C16orf92: variants seen among roughly 807,000 people sequenced by gnomAD.
The protein encoded by C16orf92 is fertilization-influencing membrane protein 1.
Under a neutral mutation model 13.7 loss-of-function variants are expected in C16orf92, and 14 were observed. That is an observed-to-expected ratio of 1.02 (90% CI 0.67 to 1.60). C16orf92 has a LOEUF of 1.60. C16orf92 is among the 40% of genes most tolerant of loss of function. The pLI is 0.00. For synonymous variants in C16orf92, 50 were observed against 57.4 expected (o/e 0.87, Z 0.58); for missense variants, 116 against 139.0 (o/e 0.83, Z 0.83).
chr16:30,025,550 G>A (rs558850433), downstream of C16orf92: 7 of 1,571,604 alleles, frequency 4.5e-6, no homozygotes, highest in Non-Finnish European at 4.4e-6. The surrounding 1 kb of genome is among the most constrained non-coding windows in gnomAD (Gnocchi z 4.1). Context: ...TGCGACCCTA[G>A]CAGGCAGCTC....
At chr16:30,023,492 C>G in intron 1 of C16orf92, 88 bp downstream of exon 1, 1 of 1,427,876 alleles carries the variant, frequency 7.0e-7, no homozygotes, top group Non-Finnish European at 9.7e-7. Flanking sequence ...GAAGCCAACC[C>G]TGCACCCTCT....
downstream of C16orf92, chr16:30,026,965 G>A (rs2071171091): frequency 1.3e-6 from 1 of 796,842 alleles, no homozygotes; most frequent in Admixed American, 2.0e-5. Context: ...TACAGATGAG[G>A]GATCCAGAGG....
chr16:30,024,255 C>T lies in C16orf92; in HGVS notation c.*28C>T, dbSNP rs753543624. 15 of 1,611,168 alleles carry T rather than the reference C, an allele frequency of 9.3e-6. No homozygotes were observed. Among genetic ancestry groups the T allele is most frequent in the Non-Finnish European group, 1.2e-5 (14 of 1,177,488 alleles). ...AGCCGGACAAGGGCTCTGGACTCAA[C>T]CTGAGCACCCACACCCACCTCCTCT... is the stretch of plus-strand genomic sequence containing the variant. On this transcript the variant is annotated 3_prime_UTR_variant, in exon 4 of 4. Coordinates refer to ENST00000681219, the MANE Select transcript of C16orf92 (RefSeq NM_001109659.2).
rs2070961716 is a variant in C16orf92, at chr16:30,023,873, T to C, written c.211T>C (p.Phe71Leu). ...GTTTATTGGAGAGAAACCCATCGTG[T>C]TCATTAACTCAGGTATGAACCAGCT... ...AQFIGEKPIV[F>L]INSGSSPGLF... Residue 71 changes from phenylalanine to leucine, a missense_variant, in exon 2 of 4, where the codon TTC becomes CTC. Physicochemically the swap from Phe to Leu is conservative, Grantham distance 22. Coordinates refer to ENST00000681219, the MANE Select transcript of C16orf92 (RefSeq NM_001109659.2). 1 of 1,613,062 alleles carries C rather than the reference T, an allele frequency of 6.2e-7. No homozygotes were observed. The highest frequency in any genetic ancestry group is 1.1e-5 in the South Asian group (1 of 91,070).
chr16:30,026,571 C>A, downstream of C16orf92: 1 of 1,570,340 alleles, frequency 6.4e-7, no homozygotes, highest in South Asian at 1.1e-5. Context: ...AAGGAGCAGG[C>A]CACCCGCACC....
downstream of C16orf92, chr16:30,026,985 G>A: frequency 2.7e-6 from 2 of 744,910 alleles, no homozygotes; most frequent in East Asian, 5.4e-5. Context: ...GGTAGAGGGT[G>A]AGAAACTTGC....
At chr16:30,024,928 CAGTG>C (rs1281751684), downstream of C16orf92, 1 of 443,518 alleles carries the variant, frequency 2.3e-6, no homozygotes, top group African/African-American at 2.1e-5. Flanking sequence ...CTCCTGCCCT[CAGTG>C]GGTGGGAGGC....
Position 30,024,480 on chromosome 16 carries a change from T to TC in C16orf92, c.*258dup. ...GCGGTCTGTAAAGCACCTCCCAGGG[T>TC]CCCCCGACCCCAGATTGGAGGAAGC... On this transcript the variant is annotated 3_prime_UTR_variant, in exon 4 of 4. Coordinates refer to ENST00000681219, the MANE Select transcript of C16orf92 (RefSeq NM_001109659.2). The TC allele has an allele frequency of 1.8e-6, 1 of 563,352 alleles. No individual in the cohort carries two copies. 34.9% of individuals were successfully genotyped at this position (563,352 alleles called of 1,614,324 possible).
At chr16:30,027,155 A>C, downstream of C16orf92, 1 of 497,900 alleles carries the variant, frequency 2.0e-6, no homozygotes. Context: ...CAGTGCCAAA[A>C]TAAGCCCAGG....
At chr16:30,023,554 A>G in intron 1 of C16orf92, 150 bp downstream of exon 1, 2 of 1,417,168 alleles carry the variant, frequency 1.4e-6, no homozygotes, top group Non-Finnish European at 2.0e-6. Flanking sequence ...CTACCCCCCA[A>G]CAACCGCGAG....
At chr16:30,023,969 G>A (rs763013517) in intron 2 of C16orf92, 30 bp from the exon 3 acceptor site, 7 of 1,597,312 alleles carry the variant, frequency 4.4e-6, no homozygotes, top group Non-Finnish European at 6.0e-6. Context: ...GGCCATCAGA[G>A]GGGAGTTAAG....
chr16:30,026,060 C>T (rs879749877), downstream of C16orf92, among the ~76,000 whole-genome samples: 18 of 152,066 alleles, frequency 1.2e-4, no homozygotes, highest in Admixed American at 8.5e-4. Context: ...GGTGAAACCC[C>T]GTCTGTACTA....
intron 1 of C16orf92, 97 bp from the exon 2 acceptor site, chr16:30,023,630 G>T (rs374959598): frequency 6.3e-7 from 1 of 1,597,728 alleles, no homozygotes; most frequent in Non-Finnish European, 8.6e-7. Context: ...CTGCAATAAG[G>T]CTGGGTGGTC....
At chr16:30,025,719 C>T (rs564414541), downstream of C16orf92, 24 of 1,613,970 alleles carry the variant, frequency 1.5e-5, no homozygotes, top group African/African-American at 2.7e-4. This position sits in a 1 kb window ranked among gnomAD's most constrained non-coding sequence, Gnocchi z 4.1. Flanking sequence ...CTCCCATGCT[C>T]ACTCACCTGG....
chr16:30,024,184 C>T (rs369335865), intron 3 of C16orf92, 22 bp from the exon 4 acceptor site: 1 of 1,613,850 alleles, frequency 6.2e-7, no homozygotes, highest in African/African-American at 1.3e-5. Context: ...GACCTCTCCC[C>T]TCTGATCTCC....
chr16:30,026,246 AAAG>A (rs2071127742), downstream of C16orf92, among the ~76,000 whole-genome samples: 3 of 150,564 alleles, frequency 2.0e-5, no homozygotes, highest in Admixed American at 2.0e-4. Flanking sequence ...GAAAGAAAAA[AAAG>A]AGAAAGAACA....
rs748208673 is a variant in C16orf92 at position 30,024,202 on chromosome 16, A to G, written c.312-4A>G. The G allele has an allele frequency of 6.2e-7, 1 of 1,613,774 alleles. No homozygotes were observed. The highest frequency in any genetic ancestry group is 8.5e-7 in the Non-Finnish European group (1 of 1,179,916). On this transcript the variant is annotated splice_polypyrimidine_tract_variant and splice_region_variant and intron_variant, in intron 3 of 3. Coordinates refer to ENST00000681219, the MANE Select transcript of C16orf92 (RefSeq NM_001109659.2). ...CTCTCCCCTCTGATCTCCATGCCCC[A>G]CAGAAACTTCCAGAAAGGGGCCTAA...
downstream of C16orf92, chr16:30,025,889 C>T (rs548255071): frequency 9.3e-6 from 11 of 1,187,168 alleles, no homozygotes; most frequent in African/African-American, 6.0e-5. This position sits in a 1 kb window ranked among gnomAD's most constrained non-coding sequence, Gnocchi z 4.1. Context: ...CCCCGCCCTT[C>T]CTCTTTCCCC....
In C16orf92 at chr16:30,024,112, C is replaced by T. The variant is rs536693738; in HGVS notation, c.311+26C>T. 4 of 1,609,190 alleles carry T rather than the reference C, an allele frequency of 2.5e-6. No individual in the cohort carries two copies. In the African/African-American group the frequency reaches 5.3e-5, roughly 21 times the overall value. Reference sequence around the variant, plus strand: ...GTAAGGCCTGCCCCCTTTCTCCAACCCCACCCACCACCACCTTCCTTGGGA... The same window carrying T: ...GTAAGGCCTGCCCCCTTTCTCCAACTCCACCCACCACCACCTTCCTTGGGA... On this transcript the variant is annotated intron_variant, in intron 3 of 3. Coordinates refer to ENST00000681219, the MANE Select transcript of C16orf92 (RefSeq NM_001109659.2).
Sources: allele counts gnomAD v4.1 joint callset (sites outside exome capture counted in the v4.1 genomes callset), GRCh38; gene constraint gnomAD v4.1.1; non-coding constraint Gnocchi (gnomAD v3.1); transcripts MANE v1.5; gene names NCBI Gene and HGNC (gene_info 2026-07-23, HGNC 2026-07-21).